Variants in CDC42BPB observed in about 807,000 individuals in gnomAD.
CDC42BPB encodes CDC42 binding protein kinase beta.
CDC42BPB carries 37 observed loss-of-function variants against 214.9 expected under a neutral mutation model. The observed-to-expected ratio is 0.17, with a 90% CI of 0.13 to 0.23. The LOEUF is 0.23. Among genes scored for constraint, CDC42BPB ranks in the 10% least tolerant of loss-of-function variants. The probability of loss-of-function intolerance (pLI) is 1.00; values close to 1 mark genes in which losing one functional copy is unlikely to be tolerated. For synonymous variants in CDC42BPB, 931 were observed against 884.0 expected (o/e 1.05, Z -0.94); for missense variants, 1,694 against 2,227.0 (o/e 0.76, Z 4.82).
chr14:102,967,968 G>A (rs755208179), intron 16 of CDC42BPB, among the ~76,000 whole-genome samples: 15 of 152,028 alleles, frequency 9.9e-5, no homozygotes, highest in South Asian at 8.3e-4. Context: ...GGTGGCAGAC[G>A]CCTGTAGTCC....
chr14:102,944,621 G>A lies in CDC42BPB; in HGVS notation c.3812-134C>T, dbSNP rs1892064992. On this transcript the variant is annotated intron_variant, in intron 29 of 36. Coordinates refer to ENST00000361246, the MANE Select transcript of CDC42BPB (RefSeq NM_006035.4). This position sits in a 1 kb window ranked among gnomAD's most constrained non-coding sequence, Gnocchi z 6.6. ...GGCTCCCTTCCTGTGTGCACAGCCT[G>A]AGCCCGGCCCTGAGCCCGTCTCTGC... The A allele has an allele frequency of 6.9e-7, 1 of 1,456,460 alleles. No homozygotes were observed. The highest frequency in any genetic ancestry group is 9.0e-7 in the Non-Finnish European group (1 of 1,105,198). 90.2% of individuals were successfully genotyped at this position (1,456,460 alleles called of 1,614,324 possible).
intron 1 of CDC42BPB, among the ~76,000 whole-genome samples, chr14:103,034,355 T>A (rs377516031): frequency 3.3e-5 from 5 of 152,322 alleles, no homozygotes; most frequent in African/African-American, 1.2e-4. Flanking sequence ...TATCTCATTT[T>A]AAAAATACAC....
chr14:102,960,850 T>C (rs1226439742), intron 20 of CDC42BPB, among the ~76,000 whole-genome samples: 1 of 152,094 alleles, frequency 6.6e-6, no homozygotes, highest in Non-Finnish European at 1.5e-5. Context: ...AAATTTCAAA[T>C]GGATCAGTAT....
chr14:102,938,828 A>C (rs1445634950), intron 34 of CDC42BPB, among the ~76,000 whole-genome samples: 1 of 151,832 alleles, frequency 6.6e-6, no homozygotes, highest in Non-Finnish European at 1.5e-5. Context: ...GGGTTTCTCC[A>C]TGTTGGCCAG....
intron 1 of CDC42BPB, among the ~76,000 whole-genome samples, chr14:103,023,037 G>T (rs1886859431): frequency 6.6e-6 from 1 of 151,074 alleles, no homozygotes; most frequent in African/African-American, 2.4e-5. Context: ...TTTGAGGCAG[G>T]GTCCCCCAGG....
At position 103,003,805 on chromosome 14, in the gene CDC42BPB, ATCGAGTCCAATACAC is replaced by A. The variant is rs1595133488; in HGVS notation, c.447+108_447+122del. On this transcript the variant is annotated intron_variant, in intron 4 of 36. Transcript: ENST00000361246. ...GCATGAAAACAAGCCCCGCCGTTTT[ATCGAGTCCAATACAC>A]ATTTTTTAAATGTCAGTTCCACATT... The A allele has an allele frequency of 7.6e-6, 5 of 656,830 alleles. No homozygotes were observed. In the East Asian group the frequency reaches 1.5e-4, roughly 20 times the overall value. 40.7% of individuals were successfully genotyped at this position (656,830 alleles called of 1,614,324 possible). A position where few individuals can be genotyped will look rare whatever the true frequency, so the allele number is the denominator to read the frequency against.
In CDC42BPB at chr14:102,994,624, A is replaced by C. The variant is rs56157737; in HGVS notation, c.596+4941T>G. ...GGGGAGAGTCAGGCACAGCGCTGAG[A>C]AGCAGCTCTAGGCTCCCCCAAGTGC... On this transcript the variant is annotated intron_variant, in intron 5 of 36. Transcript: ENST00000361246. Among the ~76,000 whole-genome samples the C allele has an allele frequency of 6.0e-3, 916 of 152,306 alleles. 13 individuals are homozygous for C. Among genetic ancestry groups the C allele is most frequent in the African/African-American group, 0.021 (874 of 41,566 alleles).
chr14:102,989,081 A>G (rs1341611111), intron 5 of CDC42BPB, among the ~76,000 whole-genome samples: 2 of 152,194 alleles, frequency 1.3e-5, no homozygotes, highest in East Asian at 1.9e-4. Context: ...GAATTGGGGG[A>G]AAAAAGCCAG....
chr14:103,004,131 C>A lies in CDC42BPB; in HGVS notation c.352-108G>T, dbSNP rs1595134085. 2 of 1,416,438 alleles carry A rather than the reference C, an allele frequency of 1.4e-6. No individual in the cohort carries two copies. The highest frequency in any genetic ancestry group is 2.7e-5 in the East Asian group (1 of 36,860). The allele number at this position is 1,416,438 out of a possible 1,614,324, so 87.7% of individuals were successfully genotyped here. On this transcript the variant is annotated intron_variant, in intron 3 of 36. Coordinates refer to ENST00000361246, the MANE Select transcript of CDC42BPB (RefSeq NM_006035.4). This position sits in a 1 kb window ranked among gnomAD's most constrained non-coding sequence, Gnocchi z 5.3. The stretch of plus-strand genomic sequence containing the variant: ...GGACAGTGGCTCCAGCCACGGTGTC[C>A]CTGCCTTCCGGGCTCCTCCTCGTGC...
intron 14 of CDC42BPB, among the ~76,000 whole-genome samples, chr14:102,969,239 C>T (rs969292523): frequency 6.6e-6 from 1 of 152,178 alleles, no homozygotes; most frequent in African/African-American, 2.4e-5. Context: ...TGAGGTGGGA[C>T]GTGTTGGCAG....
intron 9 of CDC42BPB, among the ~76,000 whole-genome samples, chr14:102,977,696 C>T (rs1056280573): frequency 8.5e-5 from 13 of 152,252 alleles, no homozygotes; most frequent in African/African-American, 3.1e-4. Flanking sequence ...TGGATCAGAG[C>T]TAACCCTGCC....
At chr14:102,986,665 G>A in intron 5 of CDC42BPB, 85 bp from the exon 6 acceptor site, 1 of 1,533,596 alleles carries the variant, frequency 6.5e-7, no homozygotes. Flanking sequence ...GTGATCAGAT[G>A]AATAAATGCT....
intron 14 of CDC42BPB, 163 bp from the exon 15 acceptor site, chr14:102,968,879 G>T: frequency 1.0e-6 from 1 of 985,478 alleles, no homozygotes; most frequent in South Asian, 4.7e-5. Context: ...CGTGATCCAG[G>T]TTCTAGGGGG....
intron 1 of CDC42BPB, 155 bp from the exon 2 acceptor site, chr14:103,012,343 C>T (rs963002865): frequency 2.1e-6 from 2 of 964,058 alleles, no homozygotes; most frequent in Admixed American, 6.2e-5. Flanking sequence ...AGCACTTATA[C>T]CAATGGACAC....
intron 14 of CDC42BPB, among the ~76,000 whole-genome samples, chr14:102,969,383 A>G (rs1893369910): frequency 6.6e-6 from 1 of 152,172 alleles, no homozygotes; most frequent in Admixed American, 6.5e-5. Flanking sequence ...CCTGCCGCAC[A>G]GGAATGTGAT....
At chr14:102,948,048 G>A in intron 26 of CDC42BPB, 1 of 830,416 alleles carries the variant, frequency 1.2e-6, no homozygotes, top group Non-Finnish European at 1.4e-6. Context: ...CACTGTGCTG[G>A]TGCCTCCAGA....
chr14:102,948,829 C>T (rs1040538295), intron 26 of CDC42BPB, among the ~76,000 whole-genome samples: 2 of 151,988 alleles, frequency 1.3e-5, no homozygotes, highest in Non-Finnish European at 2.9e-5. Flanking sequence ...CTCATGCCAA[C>T]TTTTCGTCTA....
intron 30 of CDC42BPB, 164 bp from the exon 31 acceptor site, chr14:102,940,488 T>A: frequency 6.9e-7 from 1 of 1,449,384 alleles, no homozygotes; most frequent in Non-Finnish European, 9.1e-7. Flanking sequence ...CTGGAATTCA[T>A]CTTCATTTCA....
chr14:103,009,830 A>C (rs1257609363), intron 2 of CDC42BPB, among the ~76,000 whole-genome samples: 2 of 152,306 alleles, frequency 1.3e-5, no homozygotes, highest in East Asian at 3.9e-4. Flanking sequence ...CACTTAATGC[A>C]ATCTGTTTTT....
Sources: allele counts gnomAD v4.1 joint callset (sites outside exome capture counted in the v4.1 genomes callset), GRCh38; gene constraint gnomAD v4.1.1; non-coding constraint Gnocchi (gnomAD v3.1); transcripts MANE v1.5; gene names NCBI Gene and HGNC (gene_info 2026-07-23, HGNC 2026-07-21).